The following KIF20B variants were observed in gnomAD, a reference collection of about 807,000 sequenced individuals.
KIF20B encodes kinesin family member 20B.
A neutral mutation model predicts 232.5 loss-of-function variants in KIF20B; 188 were observed. The observed-to-expected ratio is 0.81, with a 90% CI of 0.72 to 0.91. The LOEUF (loss-of-function observed/expected upper bound fraction) is 0.91, where lower values mean the gene tolerates loss of function less well. Among genes scored for constraint, KIF20B ranks in the 40% least tolerant of loss-of-function variants. The pLI, the probability that KIF20B is intolerant of heterozygous loss-of-function variation, is 0.00. For missense variants in KIF20B, 2,154 were observed against 2,055.9 expected (o/e 1.05, Z -0.92); for synonymous variants, 712 against 683.0 (o/e 1.04, Z -0.66).
chr10:89,710,744 T>A (rs6586218), intron 5 of KIF20B, among the ~76,000 whole-genome samples: 46,963 of 152,044 alleles, frequency 0.31, 8,164 homozygotes, highest in African/African-American at 0.46. Context: ...ATTATCTGAA[T>A]GTAAAGTTTC....
At chr10:89,763,962 T>C (rs961053296) in intron 29 of KIF20B, among the ~76,000 whole-genome samples, 1 of 151,542 alleles carries the variant, frequency 6.6e-6, no homozygotes, top group African/African-American at 2.4e-5. Context: ...TAGTTACATA[T>C]GTATATATGT....
At chr10:89,754,809 C>A (rs1842089125) in intron 26 of KIF20B, 136 bp downstream of exon 26, 1 of 545,996 alleles carries the variant, frequency 1.8e-6, no homozygotes, top group East Asian at 3.3e-5. Flanking sequence ...TATAAGATAA[C>A]TTCTGAGCCA....
intron 16 of KIF20B, among the ~76,000 whole-genome samples, chr10:89,726,762 A>G (rs1227466625): frequency 6.6e-6 from 1 of 152,188 alleles, no homozygotes; most frequent in Non-Finnish European, 1.5e-5. Context: ...CAACAAAAAA[A>G]GTCAAAACAA....
At chr10:89,761,347 A>G (rs12264044) in intron 28 of KIF20B, among the ~76,000 whole-genome samples, 46,866 of 151,794 alleles carry the variant, frequency 0.31, 8,140 homozygotes, top group African/African-American at 0.46. Flanking sequence ...TAAAGTGAGT[A>G]CTCCAAGGAA....
chr10:89,720,016 C>T (rs779625612), intron 13 of KIF20B, among the ~76,000 whole-genome samples: 2 of 152,116 alleles, frequency 1.3e-5, no homozygotes, highest in Non-Finnish European at 2.9e-5. Context: ...TTTCTAAGAA[C>T]ATGGGCATTT....
intron 9 of KIF20B, among the ~76,000 whole-genome samples, chr10:89,717,034 G>A (rs1270188469): frequency 6.6e-6 from 1 of 152,124 alleles, no homozygotes; most frequent in African/African-American, 2.4e-5. Context: ...TTGGGCATGG[G>A]ACAATACAAG....
Position 89,705,339 on chromosome 10 carries a change from T to A in KIF20B, c.45T>A (p.Tyr15Ter), listed in dbSNP as rs114316057. 1 of 1,614,028 alleles carries A rather than the reference T, an allele frequency of 6.2e-7. No individual in the cohort carries two copies. Among genetic ancestry groups the A allele is most frequent in the Admixed American group, 1.7e-5 (1 of 60,026 alleles). The change falls in exon 2 of 33, where the codon TAT becomes TAA. Residue 15 changes from tyrosine (Y) to a stop codon, truncating the protein, a stop_gained. Transcript: ENST00000371728. LOFTEE classifies it high-confidence loss of function. Reference protein sequence around the residue: ...FNQEGVPRPSYVFSADPIARP... With the variant: ...FNQEGVPRPS ...AAGAGGGAGTACCTCGACCATCTTA[T>A]GTTTTTAGTGCTGACCCAATTGCAA...
At chr10:89,750,068 T>C (rs573033154) in intron 23 of KIF20B, among the ~76,000 whole-genome samples, 1 of 152,308 alleles carries the variant, frequency 6.6e-6, no homozygotes, top group African/African-American at 2.4e-5. Context: ...TGGGGTTCTT[T>C]CCTGAAATAA....
Position 89,758,758 on chromosome 10 carries a change from G to A in KIF20B, c.4556G>A (p.Arg1519Gln), listed in dbSNP as rs749002204. 7.2e-5 allele frequency: 116 copies of A among 1,607,260 alleles called. 1 individual carries two copies. The Admixed American group carries it at 1.3e-3, about 19-fold the overall frequency. ...TEKDSDLQKW[R>Q]EERDQLVAAL... is the part of the protein sequence containing the mutation. The stretch of plus-strand genomic sequence containing the variant: ...AAAGATAGTGACCTTCAAAAGTGGC[G>A]AGAAGAACGAGATCAACTGGTTGCA... Residue 1519 changes from arginine (R) to glutamine (Q), a missense_variant, in exon 27 of 33, where the codon CGA becomes CAA. Transcript: ENST00000371728.
At chr10:89,739,594 T>G (rs116754982) in intron 21 of KIF20B, among the ~76,000 whole-genome samples, 1,780 of 152,086 alleles carry the variant, frequency 0.012, 39 homozygotes, top group African/African-American at 0.041. Context: ...TTCTCCCTCC[T>G]TCCCATTTTC....
intron 31 of KIF20B, among the ~76,000 whole-genome samples, chr10:89,769,321 G>C (rs1842424508): frequency 6.6e-6 from 1 of 151,850 alleles, no homozygotes; most frequent in East Asian, 1.9e-4. Context: ...TTTGGTTGGG[G>C]CAGGAAATCC....
intron 1 of KIF20B, among the ~76,000 whole-genome samples, chr10:89,702,330 AT>A (rs1334230935): frequency 6.6e-6 from 1 of 152,146 alleles, no homozygotes. Context: ...GACTGCTGTC[AT>A]TCCCCAGTTT....
intron 5 of KIF20B, 150 bp downstream of exon 5, chr10:89,710,215 G>GTTTTTT: frequency 2.1e-5 from 6 of 282,732 alleles, no homozygotes; most frequent in Non-Finnish European, 3.6e-5. Flanking sequence ...ACGTATTGCT[G>GTTTTTT]TTTTTTTTTT....
In KIF20B at chr10:89,719,134, A is replaced by G. The variant is rs767760885; in HGVS notation, c.1434+262A>G. ...GAATGAATTGTCTGCTCTGCCATTC[A>G]TCTTGTTCATTTGGTACTTCTGGGT... On this transcript the variant is annotated intron_variant, in intron 12 of 32. Transcript: ENST00000371728. Among the ~76,000 whole-genome samples, 9 of 152,280 alleles carry G rather than the reference A, an allele frequency of 5.9e-5. No homozygotes were observed. The East Asian group carries it at 7.7e-4, about 13-fold the overall frequency.
chr10:89,730,304 A>G (rs1216983345), intron 18 of KIF20B, among the ~76,000 whole-genome samples: 2 of 152,188 alleles, frequency 1.3e-5, no homozygotes, highest in Non-Finnish European at 2.9e-5. Context: ...AAGGTGGAGG[A>G]GCAAGAAACA....
chr10:89,741,898 G>A (rs1483855381), intron 21 of KIF20B, among the ~76,000 whole-genome samples: 2 of 152,142 alleles, frequency 1.3e-5, no homozygotes, highest in South Asian at 2.1e-4. Context: ...ACGTGTCATG[G>A]TATCAGGGAC....
chr10:89,732,861 A>G, intron 18 of KIF20B, 42 bp from the exon 19 acceptor site: 2 of 1,428,466 alleles, frequency 1.4e-6, no homozygotes, highest in Non-Finnish European at 1.9e-6. Context: ...CATTTTTTGT[A>G]GCTTTCTATA....
intron 1 of KIF20B, among the ~76,000 whole-genome samples, chr10:89,702,469 T>A (rs1842632660): frequency 6.6e-6 from 1 of 152,256 alleles, no homozygotes; most frequent in African/African-American, 2.4e-5. Context: ...AGTGTAACAG[T>A]GTATTTATCT....
chr10:89,718,867 C>A lies in KIF20B; in HGVS notation c.1429C>A (p.Gln477Lys). 2 of 1,525,258 alleles carry A rather than the reference C, an allele frequency of 1.3e-6. No individual in the cohort carries two copies. The highest frequency in any genetic ancestry group is 1.4e-5 in the African/African-American group (1 of 70,854). The allele number at this position is 1,525,258 out of a possible 1,614,324, so 94.5% of individuals were successfully genotyped here. ...LNVLKFSAIA[Q>K]KVCVPDTLNS... is the part of the protein sequence containing the mutation. Reference sequence around the variant, plus strand: ...TGTATTGAAGTTCTCCGCCATTGCACAAAAAGTAAATATTTATTTTATTAA... The same window carrying A: ...TGTATTGAAGTTCTCCGCCATTGCAAAAAAAGTAAATATTTATTTTATTAA... The change falls in exon 12 of 33, where the codon CAA (glutamine) becomes AAA (lysine). Residue 477 changes from glutamine (Q) to lysine (K), a missense_variant. Coordinates refer to ENST00000371728, the MANE Select transcript of KIF20B (RefSeq NM_001284259.2).
Sources: allele counts gnomAD v4.1 joint callset (sites outside exome capture counted in the v4.1 genomes callset), GRCh38; gene constraint gnomAD v4.1.1; transcripts MANE v1.5; gene names NCBI Gene and HGNC (gene_info 2026-07-23, HGNC 2026-07-21).